NRG3: variants seen among roughly 807,000 people sequenced by gnomAD.
NRG3 encodes pro-neuregulin-3, membrane-bound isoform.
Under a neutral mutation model 66.9 loss-of-function variants are expected in NRG3, and 31 were observed. That is an observed-to-expected ratio of 0.46 (90% confidence interval 0.35 to 0.63). The LOEUF is 0.63. Among genes scored for constraint, NRG3 ranks in the 20% least tolerant of loss-of-function variants. NRG3 has a pLI of 0.00. For synonymous variants in NRG3, 393 were observed against 359.4 expected, an observed-to-expected ratio of 1.09 and a Z score of -1.06; for missense variants, 910 against 878.9, an observed-to-expected ratio of 1.04 and a Z score of -0.45.
At chr10:82,272,814 A>G (rs377612473) in intron 1 of NRG3, among the ~76,000 whole-genome samples, 2 of 152,066 alleles carry the variant, frequency 1.3e-5, no homozygotes, top group Admixed American at 1.3e-4. Context: ...ACCTGAGAAG[A>G]TATTAACGTA....
At chr10:82,896,347 C>G (rs917283488) in intron 4 of NRG3, among the ~76,000 whole-genome samples, 2 of 152,144 alleles carry the variant, frequency 1.3e-5, no homozygotes, top group Non-Finnish European at 2.9e-5. Context: ...GAACCAGGCT[C>G]CAAGCCTGTC....
chr10:82,094,805 G>A (rs2066233334), intron 1 of NRG3, among the ~76,000 whole-genome samples: 1 of 152,120 alleles, frequency 6.6e-6, no homozygotes, highest in Admixed American at 6.6e-5. Flanking sequence ...GTCAAATACT[G>A]CATGTTCTCA....
chr10:82,058,886 G>A (rs746474596), intron 1 of NRG3, among the ~76,000 whole-genome samples: 2 of 152,100 alleles, frequency 1.3e-5, no homozygotes, highest in African/African-American at 2.4e-5. Flanking sequence ...TAGGAGGTGC[G>A]TCTGACCTGG....
intron 1 of NRG3, among the ~76,000 whole-genome samples, chr10:81,948,023 C>T (rs1391319655): frequency 6.6e-6 from 1 of 152,128 alleles, no homozygotes; most frequent in South Asian, 2.1e-4. Context: ...GTAAGTGCTC[C>T]TTGTCTGAAG....
chr10:82,043,093 A>G (rs2063117799), intron 1 of NRG3, among the ~76,000 whole-genome samples: 1 of 152,054 alleles, frequency 6.6e-6, no homozygotes, highest in Admixed American at 6.6e-5. Context: ...GAAATAAATG[A>G]TGTCATTAAA....
At chr10:82,796,015 T>C (rs1042926436) in intron 3 of NRG3, among the ~76,000 whole-genome samples, 5 of 152,084 alleles carry the variant, frequency 3.3e-5, no homozygotes, top group African/African-American at 1.2e-4. Flanking sequence ...TACCAATCGA[T>C]TCATATTTAC....
At chr10:81,959,865 G>C (rs1850188153) in intron 1 of NRG3, among the ~76,000 whole-genome samples, 1 of 152,156 alleles carries the variant, frequency 6.6e-6, no homozygotes, top group African/African-American at 2.4e-5. Flanking sequence ...TATATGTAGA[G>C]TGTAATGTAT....
intron 6 of NRG3, among the ~76,000 whole-genome samples, chr10:82,963,207 A>G (rs1850848688): frequency 6.6e-6 from 1 of 152,234 alleles, no homozygotes; most frequent in Admixed American, 6.5e-5. Flanking sequence ...AGGAAAACAA[A>G]CAAAGGAAAC....
intron 3 of NRG3, among the ~76,000 whole-genome samples, chr10:82,758,466 C>T (rs985392423): frequency 1.3e-4 from 20 of 152,068 alleles, no homozygotes; most frequent in African/African-American, 4.8e-4. Context: ...AATACAAATT[C>T]TCTCATTTGA....
chr10:81,878,192 C>G (rs1344929777), intron 1 of NRG3: 3 of 1,117,882 alleles, frequency 2.7e-6, no homozygotes, highest in Non-Finnish European at 2.5e-6. Context: ...GGCCCTCAGC[C>G]CCAAGGAAAA....
intron 2 of NRG3, among the ~76,000 whole-genome samples, chr10:82,737,041 A>G (rs2134723540): frequency 6.6e-6 from 1 of 152,286 alleles, no homozygotes; most frequent in African/African-American, 2.4e-5. Flanking sequence ...TTTTTATGAC[A>G]AATATGACTC....
chr10:82,955,325 C>G (rs1007596517), intron 5 of NRG3: 1 of 151,940 alleles, frequency 6.6e-6, no homozygotes, highest in Non-Finnish European at 1.5e-5. Flanking sequence ...CTCTAAAAAA[C>G]AGTGAAAGAA....
At chr10:82,820,965 AT>A (rs879944781) in intron 3 of NRG3, among the ~76,000 whole-genome samples, 4 of 151,452 alleles carry the variant, frequency 2.6e-5, no homozygotes, top group African/African-American at 7.2e-5. Context: ...GATCAAAAAC[AT>A]TTTTTTTGGT....
intron 2 of NRG3, among the ~76,000 whole-genome samples, chr10:82,412,652 C>T (rs370958745): frequency 3.4e-4 from 52 of 152,262 alleles, no homozygotes; most frequent in African/African-American, 1.2e-3. Flanking sequence ...CAAAATATTT[C>T]TCTGTAGCAT....
In NRG3 at chr10:82,165,522, T is replaced by G. The variant is rs114311673; in HGVS notation, c.824-193217T>G. On this transcript the variant is annotated intron_variant, in intron 1 of 8. Coordinates refer to ENST00000372141, the MANE Select transcript of NRG3 (RefSeq NM_001010848.4). ...TTCATACTTTTCATTAGGCATTTGT[T>G]CTTTTGTAAACATTCACTCATAGTT... Among the ~76,000 whole-genome samples the G allele has an allele frequency of 3.5e-3, 536 of 152,208 alleles. 3 individuals carry two copies. Among genetic ancestry groups the G allele is most frequent in the African/African-American group, 0.012 (503 of 41,576 alleles).
chr10:82,158,762 A>G (rs962364534), intron 1 of NRG3, among the ~76,000 whole-genome samples: 19 of 151,876 alleles, frequency 1.3e-4, no homozygotes, highest in Admixed American at 1.3e-4. Context: ...TCCTGAGAGA[A>G]GTGGCATATT....
rs373143815 is a variant in NRG3 at position 82,486,257 on chromosome 10, C to T, written c.953+127389C>T. On this transcript the variant is annotated intron_variant, in intron 2 of 8. Transcript: ENST00000372141. Reference sequence around the variant, plus strand: ...TACTGAAAACAGTATGAATGTTCCTCAAAAAACTGAAAATCAAAATAATTG... The same window carrying T: ...TACTGAAAACAGTATGAATGTTCCTTAAAAAACTGAAAATCAAAATAATTG... Among the ~76,000 whole-genome samples, 7 of 152,174 alleles carry T rather than the reference C, an allele frequency of 4.6e-5. No individual in the cohort carries two copies. The East Asian group carries it at 1.4e-3, about 29-fold the overall frequency.
chr10:82,720,410 A>G (rs539359353), intron 2 of NRG3, among the ~76,000 whole-genome samples: 4 of 152,212 alleles, frequency 2.6e-5, no homozygotes, highest in African/African-American at 9.6e-5. Flanking sequence ...AATTAATAAT[A>G]AAATGGAGCA....
At chr10:82,015,476 A>G (rs928417163) in intron 1 of NRG3, among the ~76,000 whole-genome samples, 2 of 152,078 alleles carry the variant, frequency 1.3e-5, no homozygotes, top group Non-Finnish European at 2.9e-5. Context: ...CATAATCCCT[A>G]TAATCCCAAC....
Sources: gnomAD v4.1 joint callset for allele counts (sites outside exome capture counted in the v4.1 genomes callset) on GRCh38, gnomAD v4.1.1 for gene constraint, MANE v1.5 for transcripts, NCBI Gene and HGNC (gene_info 2026-07-23, HGNC 2026-07-21) for gene names.